Variants in DPY19L2 observed in about 807,000 individuals in gnomAD.
DPY19L2 encodes the protein probable C-mannosyltransferase DPY19L2.
Under a neutral mutation model 97.9 loss-of-function variants are expected in DPY19L2, and 34 were observed. That is an observed-to-expected ratio of 0.35 (90% CI 0.26 to 0.46). The LOEUF is 0.46. Among genes scored for constraint, DPY19L2 ranks in the 20% least tolerant of loss-of-function variants. DPY19L2 has a pLI of 1.00. For missense variants in DPY19L2, 623 were observed against 911.4 expected (o/e 0.68, Z 4.07); for synonymous variants, 230 against 307.9 (o/e 0.75, Z 2.65).
chr12:63,657,707 G>A (rs1405341059), intron 4 of DPY19L2, among the ~76,000 whole-genome samples: 1 of 152,142 alleles, frequency 6.6e-6, no homozygotes, highest in East Asian at 1.9e-4. Flanking sequence ...AGCAGAGTCT[G>A]AGCAATGATT....
chr12:63,619,508 T>G (rs1393932594), intron 9 of DPY19L2, among the ~76,000 whole-genome samples: 1 of 151,422 alleles, frequency 6.6e-6, no homozygotes, highest in African/African-American at 2.4e-5. Flanking sequence ...AACAGCAATA[T>G]CAAACTTCTT....
chr12:63,599,675 A>G (rs1375839091), intron 13 of DPY19L2, among the ~76,000 whole-genome samples: 1 of 152,154 alleles, frequency 6.6e-6, no homozygotes, highest in Non-Finnish European at 1.5e-5. Context: ...AATAAAAAGT[A>G]GATTCATGCA....
chr12:63,623,385 ACT>A (rs1274499543), intron 8 of DPY19L2, among the ~76,000 whole-genome samples: 1 of 152,200 alleles, frequency 6.6e-6, no homozygotes, highest in Non-Finnish European at 1.5e-5. Context: ...CACACAGAAC[ACT>A]TTTTTCATGG....
At chr12:63,576,857 C>T (rs1419333512) in intron 19 of DPY19L2, among the ~76,000 whole-genome samples, 1 of 152,074 alleles carries the variant, frequency 6.6e-6, no homozygotes, top group Non-Finnish European at 1.5e-5. Context: ...AATGTCCATA[C>T]TATTCAAAGC....
intron 3 of DPY19L2, 80 bp from the exon 4 acceptor site, chr12:63,661,561 T>C: frequency 1.9e-6 from 2 of 1,027,222 alleles, no homozygotes; most frequent in Non-Finnish European, 2.5e-6. Context: ...TTAGAACTTT[T>C]TTTCTGAAAA....
intron 19 of DPY19L2, among the ~76,000 whole-genome samples, chr12:63,577,839 T>G (rs535124387): frequency 6.6e-6 from 1 of 152,164 alleles, no homozygotes; most frequent in Non-Finnish European, 1.5e-5. Flanking sequence ...CATACACTTT[T>G]GGTGAAAATG....
chr12:63,628,435 G>A (rs1014340692), intron 6 of DPY19L2, among the ~76,000 whole-genome samples: 15 of 152,250 alleles, frequency 9.9e-5, no homozygotes, highest in African/African-American at 2.2e-4. Flanking sequence ...CACCTGGCTC[G>A]GAGGGTCCTA....
At chr12:63,660,946 C>T (rs531838419) in intron 4 of DPY19L2, 3 of 152,808 alleles carry the variant, frequency 2.0e-5, no homozygotes, top group African/African-American at 7.2e-5. Flanking sequence ...CTAAATAAAT[C>T]TTACTTTACT....
chr12:63,628,260 G>C (rs1889921733), intron 6 of DPY19L2, among the ~76,000 whole-genome samples: 1 of 152,200 alleles, frequency 6.6e-6, no homozygotes, highest in Non-Finnish European at 1.5e-5. Context: ...AGCCAAAGCA[G>C]GGCAAGGCAT....
chr12:63,594,647 CGTGTCTGTGTGT>C (rs1883880304), intron 15 of DPY19L2, among the ~76,000 whole-genome samples: 1 of 124,280 alleles, frequency 8.0e-6, no homozygotes, highest in African/African-American at 3.8e-5. Context: ...CGTGTGTGTG[CGTGTCTGTGTGT>C]GTGTGTGTGT....
At chr12:63,664,059 A>T in intron 2 of DPY19L2, among the ~76,000 whole-genome samples, 1 of 148,072 alleles carries the variant, frequency 6.8e-6, no homozygotes, top group Non-Finnish European at 1.5e-5. Context: ...AACTGTGGCC[A>T]GGTACGTTGC....
At chr12:63,585,491 C>T (rs1881640254) in intron 16 of DPY19L2, among the ~76,000 whole-genome samples, 1 of 151,742 alleles carries the variant, frequency 6.6e-6, no homozygotes, top group Non-Finnish European at 1.5e-5. Context: ...TAGTAGAGAC[C>T]AAATTATTCT....
intron 3 of DPY19L2, among the ~76,000 whole-genome samples, chr12:63,663,175 G>A (rs1895903918): frequency 6.6e-6 from 1 of 152,154 alleles, no homozygotes; most frequent in Non-Finnish European, 1.5e-5. Context: ...GAGCAGATCT[G>A]GAAGATGGAC....
chr12:63,619,500 C>T (rs1888341761), intron 9 of DPY19L2, among the ~76,000 whole-genome samples: 1 of 151,608 alleles, frequency 6.6e-6, no homozygotes, highest in Non-Finnish European at 1.5e-5. Flanking sequence ...AAAACATTAA[C>T]AGCAATATCA....
At chr12:63,583,886 T>C (rs764337275) in intron 16 of DPY19L2, 50 bp from the exon 17 acceptor site, 20 of 1,486,360 alleles carry the variant, frequency 1.3e-5, no homozygotes, top group East Asian at 1.1e-4. Context: ...TTTTATACTA[T>C]GAATACATAA....
At chr12:63,620,738 A>G (rs1888556620) in intron 9 of DPY19L2, among the ~76,000 whole-genome samples, 1 of 152,218 alleles carries the variant, frequency 6.6e-6, no homozygotes, top group Admixed American at 6.5e-5. Context: ...AAATCATTCT[A>G]TTACAAAGAC....
chr12:63,655,744 C>CGG lies in DPY19L2; in HGVS notation c.588+5598_588+5599dup, dbSNP rs74902711. 5.1e-3 allele frequency among the ~76,000 whole-genome samples: 742 copies of CGG among 144,598 alleles called. 6 individuals carry two copies. Among genetic ancestry groups the CGG allele is most frequent in the South Asian group, 0.01 (46 of 4,446 alleles). The allele number at this position is 144,598 out of a possible 152,430, so 94.9% of individuals were successfully genotyped here. ...ACTTATAGGGGAGATAAGGAAGGGT[C>CGG]GGGGGGTGGGTTTCACGCCTTTCTC... On this transcript the variant is annotated intron_variant, in intron 4 of 21. Transcript: ENST00000324472.
chr12:63,629,541 A>G (rs187062956), intron 6 of DPY19L2, among the ~76,000 whole-genome samples: 1 of 152,272 alleles, frequency 6.6e-6, no homozygotes, highest in Admixed American at 6.5e-5. Flanking sequence ...AAACAAACAA[A>G]GCCTCCAAGA....
At chr12:63,565,735 T>G (rs1331675620) in intron 21 of DPY19L2, among the ~76,000 whole-genome samples, 1 of 152,166 alleles carries the variant, frequency 6.6e-6, no homozygotes, top group African/African-American at 2.4e-5. Flanking sequence ...CTTTGTTCCA[T>G]CTGATCTTCA....
Sources: allele counts gnomAD v4.1 joint callset (sites outside exome capture counted in the v4.1 genomes callset), GRCh38; gene constraint gnomAD v4.1.1; transcripts MANE v1.5; gene names NCBI Gene and HGNC (gene_info 2026-07-23, HGNC 2026-07-21).